Variants in SPON2 observed in about 807,000 individuals in gnomAD.
SPON2 encodes spondin 2, also known as spondin-2.
A neutral mutation model predicts 29.9 loss-of-function variants in SPON2; 32 were observed. The ratio of observed to expected loss-of-function variants is 1.07; its 90% CI spans 0.81 to 1.44. The LOEUF (loss-of-function observed/expected upper bound fraction) is 1.44, where lower values mean the gene tolerates loss of function less well. Ranked by LOEUF, SPON2 falls within the 40% of genes most tolerant of loss-of-function variation. The pLI is 0.00. For missense variants in SPON2, 541 were observed against 455.5 expected, an observed-to-expected ratio of 1.19 and a Z score of -1.71; for synonymous variants, 248 against 209.1, an observed-to-expected ratio of 1.19 and a Z score of -1.61.
chr4:1,167,591 A>C lies in SPON2; in HGVS notation c.877T>G (p.Cys293Gly). 1 of 1,613,538 alleles carries C rather than the reference A, an allele frequency of 6.2e-7. No individual in the cohort carries two copies. The highest frequency in any genetic ancestry group is 8.5e-7 in the Non-Finnish European group (1 of 1,179,974). ...CTGCTCTTGGTCCCGAGCCTCCCAC[A>C]GTGGCCTCCGCACAGTCCCCAGGAC... is the stretch of plus-strand genomic sequence containing the variant. Reference protein sequence around the residue: ...WSSWGLCGGHCGRLGTKSRTR... With the variant: ...WSSWGLCGGHGGRLGTKSRTR... The change falls in exon 6 of 6, where the codon TGT becomes GGT. Residue 293 changes from cysteine to glycine, a missense_variant. Cys to Gly is a radical substitution (Grantham distance 159). Coordinates refer to ENST00000290902, the MANE Select transcript of SPON2 (RefSeq NM_012445.4).
At chr4:1,204,885 T>G (rs1728301927) in intron 1 of SPON2, 1 of 152,300 alleles carries the variant, frequency 6.6e-6, no homozygotes, top group African/African-American at 2.4e-5. Flanking sequence ...TGGTCCCTTT[T>G]CTTTCTTCAT....
At chr4:1,189,638 C>CA (rs61543201) in intron 1 of SPON2, among the ~76,000 whole-genome samples, 10,994 of 60,000 alleles carry the variant, frequency 0.18, 1,142 homozygotes, top group East Asian at 0.3. Context: ...GACCCTGTCT[C>CA]AAAAAAAAAA....
chr4:1,194,388 G>T (rs1727991566), intron 1 of SPON2, among the ~76,000 whole-genome samples: 1 of 152,304 alleles, frequency 6.6e-6, no homozygotes, highest in African/African-American at 2.4e-5. Context: ...GGAGGCCTGG[G>T]ACCAGCCCCC....
At chr4:1,194,277 G>A (rs2108671110) in intron 1 of SPON2, among the ~76,000 whole-genome samples, 2 of 152,314 alleles carry the variant, frequency 1.3e-5, no homozygotes. Flanking sequence ...TTGGGAGGTG[G>A]CCCAGTCAGG....
chr4:1,196,442 C>T (rs578010580), upstream of SPON2, among the ~76,000 whole-genome samples: 3 of 152,350 alleles, frequency 2.0e-5, no homozygotes, highest in Middle Eastern at 3.4e-3. Context: ...TCTGTGGCCT[C>T]ATGCCGACCA....
upstream of SPON2, among the ~76,000 whole-genome samples, chr4:1,174,748 G>C (rs1727558321): frequency 6.6e-6 from 1 of 152,174 alleles, no homozygotes; most frequent in Non-Finnish European, 1.5e-5. Context: ...AAGTGGCGTG[G>C]TTCTACGTTG....
intron 1 of SPON2, among the ~76,000 whole-genome samples, chr4:1,183,241 A>AC (rs1727732104): frequency 9.7e-4 from 1 of 1,034 alleles, no homozygotes; most frequent in Non-Finnish European, 0.036. Flanking sequence ...AAACTCCATC[A>AC]AAAAAAAAAA....
At chr4:1,201,238 G>A (rs1728197434) in intron 1 of SPON2, 1 of 408,642 alleles carries the variant, frequency 2.4e-6, no homozygotes, top group South Asian at 1.7e-5. Context: ...GTCTGGCCCT[G>A]TGCCATGCTG....
intron 1 of SPON2, among the ~76,000 whole-genome samples, chr4:1,183,868 C>T (rs1727745203): frequency 6.6e-6 from 1 of 151,956 alleles, no homozygotes; most frequent in Non-Finnish European, 1.5e-5. Flanking sequence ...TCAACTAAAC[C>T]TAAAAGAAGA....
upstream of SPON2, chr4:1,197,062 G>A (rs1728085131): frequency 6.6e-6 from 1 of 152,256 alleles, no homozygotes; most frequent in Non-Finnish European, 1.5e-5. Flanking sequence ...AAAGCCAACA[G>A]GACGGGGACA....
chr4:1,170,124 C>T (rs1577896526), intron 5 of SPON2: 1 of 390,394 alleles, frequency 2.6e-6, no homozygotes, highest in East Asian at 6.1e-5. Flanking sequence ...GGGTGCGTGT[C>T]TGACAGGACA....
upstream of SPON2, among the ~76,000 whole-genome samples, chr4:1,196,014 T>A (rs1052967213): frequency 3.3e-5 from 5 of 152,066 alleles, no homozygotes; most frequent in African/African-American, 1.2e-4. Flanking sequence ...GAATAGAAGA[T>A]CATGGGGTAG....
intron 1 of SPON2, among the ~76,000 whole-genome samples, chr4:1,180,566 C>T (rs1727685768): frequency 6.6e-6 from 1 of 152,052 alleles, no homozygotes; most frequent in African/African-American, 2.4e-5. Flanking sequence ...GCTGGATGTA[C>T]CAGACAAATA....
upstream of SPON2, among the ~76,000 whole-genome samples, chr4:1,175,202 G>A (rs1368870748): frequency 6.6e-6 from 1 of 152,240 alleles, no homozygotes; most frequent in African/African-American, 2.4e-5. Context: ...AAAGCTACTG[G>A]CTCTGGGTCT....
upstream of SPON2, chr4:1,173,158 C>G (rs570987625): frequency 6.6e-6 from 1 of 152,328 alleles, no homozygotes; most frequent in East Asian, 1.9e-4. Flanking sequence ...GGCCTGACTT[C>G]AGTCTACATG....
intron 1 of SPON2, among the ~76,000 whole-genome samples, chr4:1,180,343 A>G (rs1055139221): frequency 2.6e-5 from 4 of 152,216 alleles, no homozygotes; most frequent in African/African-American, 9.6e-5. Flanking sequence ...GATAATACAG[A>G]TTTTGCATAA....
rs543169513 is a variant in SPON2, at chr4:1,205,656, G to A, written c.-234+2224C>T. Among the ~76,000 whole-genome samples, 47 of 152,328 alleles carry A rather than the reference G, an allele frequency of 3.1e-4. 1 individual carries two copies. The South Asian group carries it at 9.7e-3, about 32-fold the overall frequency. On this transcript the variant is annotated intron_variant, in intron 1 of 3. Coordinates refer to the SPON2 transcript ENST00000509233. ...TACGGCAGCCTTGGGAAGGGTGGGG[G>A]CCCAGGGAGGGGCATCATTTGGTGT...
chr4:1,170,262 A>C, intron 5 of SPON2, 140 bp downstream of exon 5: 1 of 805,336 alleles, frequency 1.2e-6, no homozygotes, highest in East Asian at 2.5e-5. Flanking sequence ...CAGAATCCTA[A>C]ATCTTCTAGG....
chr4:1,185,396 T>C (rs1349517740), intron 1 of SPON2, among the ~76,000 whole-genome samples: 1 of 151,286 alleles, frequency 6.6e-6, no homozygotes, highest in Non-Finnish European at 1.5e-5. Context: ...TTTTGACAAA[T>C]GGTGTTGGAA....
Sources: gnomAD v4.1 joint callset for allele counts (sites outside exome capture counted in the v4.1 genomes callset) on GRCh38, gnomAD v4.1.1 for gene constraint, MANE v1.5 for transcripts, NCBI Gene and HGNC (gene_info 2026-07-23, HGNC 2026-07-21) for gene names.